Variants in GMDS observed in about 807,000 individuals in gnomAD.
GMDS encodes the protein GDP-mannose 4,6-dehydratase.
GMDS carries 20 observed loss-of-function variants against 49.9 expected under a neutral mutation model. The observed-to-expected ratio is 0.40, with a 90% CI of 0.28 to 0.58. The LOEUF (loss-of-function observed/expected upper bound fraction) is 0.58. Ranked by LOEUF, GMDS falls within the 20% of genes least tolerant of loss-of-function variation. GMDS has a pLI of 0.42. For synonymous variants in GMDS, 177 were observed against 178.6 expected (o/e 0.99, Z 0.07); for missense variants, 362 against 481.4 (o/e 0.75, Z 2.32).
At chr6:1,626,293 C>T (rs1363936669) in intron 9 of GMDS, 1 of 152,244 alleles carries the variant, frequency 6.6e-6, no homozygotes, top group Non-Finnish European at 1.5e-5. Flanking sequence ...CCAGTTTCCT[C>T]CCCAGAGTGT....
intron 9 of GMDS, among the ~76,000 whole-genome samples, chr6:1,658,059 T>G (rs1419702157): frequency 3.3e-5 from 5 of 152,128 alleles, no homozygotes; most frequent in Admixed American, 6.5e-5. Context: ...GGGTGTGTGT[T>G]TGCAAATAGA....
chr6:1,837,159 C>A (rs936590947), intron 7 of GMDS, among the ~76,000 whole-genome samples: 2 of 151,974 alleles, frequency 1.3e-5, no homozygotes, highest in Non-Finnish European at 2.9e-5. Context: ...AAAAGACAAC[C>A]AATTTGGGCT....
rs114656013 is a variant in GMDS, at chr6:2,055,302, C to T, written c.345+60469G>A. Among the ~76,000 whole-genome samples, 1,057 of 151,946 alleles carry T rather than the reference C, an allele frequency of 7.0e-3. 2 individuals are homozygous for T. Among genetic ancestry groups the T allele is most frequent in the Non-Finnish European group, 0.01 (684 of 67,874 alleles). On this transcript the variant is annotated intron_variant, in intron 4 of 10. Transcript: ENST00000380815. Reference sequence around the variant, plus strand: ...AGAATGAGGCAGAAGACATATATTTCCCTAAAAGGATATAAGTCATAAATC... The same window carrying T: ...AGAATGAGGCAGAAGACATATATTTTCCTAAAAGGATATAAGTCATAAATC...
At chr6:1,779,342 C>T (rs1768980217) in intron 7 of GMDS, among the ~76,000 whole-genome samples, 1 of 152,186 alleles carries the variant, frequency 6.6e-6, no homozygotes, top group Non-Finnish European at 1.5e-5. Flanking sequence ...GGAAGTGCTC[C>T]TGTGGCATCC....
chr6:2,067,248 G>A (rs957543930), intron 4 of GMDS, among the ~76,000 whole-genome samples: 1 of 152,100 alleles, frequency 6.6e-6, no homozygotes, highest in South Asian at 2.1e-4. Context: ...CAGAATCTCT[G>A]GGACGCATGC....
chr6:2,172,696 A>C (rs905891680), intron 1 of GMDS, among the ~76,000 whole-genome samples: 2 of 152,124 alleles, frequency 1.3e-5, no homozygotes, highest in Non-Finnish European at 2.9e-5. Context: ...CATCTCCAAA[A>C]AAAAAACAGA....
At chr6:1,784,487 G>C (rs992589517) in intron 7 of GMDS, among the ~76,000 whole-genome samples, 1 of 151,702 alleles carries the variant, frequency 6.6e-6, no homozygotes, top group Non-Finnish European at 1.5e-5. Context: ...AGGACTACCC[G>C]GGGCGGGAAG....
chr6:2,169,373 A>C (rs1462600919), intron 1 of GMDS, among the ~76,000 whole-genome samples: 1 of 152,122 alleles, frequency 6.6e-6, no homozygotes, highest in Admixed American at 6.6e-5. Flanking sequence ...TTGGGAGGCC[A>C]AGGTGGGAGG....
chr6:1,705,074 C>A (rs186258585), intron 9 of GMDS, among the ~76,000 whole-genome samples: 1 of 152,182 alleles, frequency 6.6e-6, no homozygotes, highest in Non-Finnish European at 1.5e-5. Context: ...TACCACTAAA[C>A]GACAAAGCGA....
intron 9 of GMDS, among the ~76,000 whole-genome samples, chr6:1,654,147 G>T (rs139637977): frequency 5.8e-4 from 88 of 152,280 alleles, no homozygotes; most frequent in African/African-American, 1.9e-3. Flanking sequence ...GAATCCTTGT[G>T]CTCTGATGAT....
intron 7 of GMDS, among the ~76,000 whole-genome samples, chr6:1,834,349 T>C (rs1457065260): frequency 6.6e-6 from 1 of 152,178 alleles, no homozygotes; most frequent in Admixed American, 6.5e-5. Context: ...ACCTACAATG[T>C]TGCATTTCCC....
At chr6:1,950,296 G>A (rs1478566915) in intron 6 of GMDS, among the ~76,000 whole-genome samples, 2 of 152,194 alleles carry the variant, frequency 1.3e-5, no homozygotes, top group East Asian at 1.9e-4. Flanking sequence ...AGATAATCTT[G>A]AATCAGTTCT....
chr6:1,906,704 G>A (rs1211972057), intron 7 of GMDS, among the ~76,000 whole-genome samples: 5 of 152,124 alleles, frequency 3.3e-5, no homozygotes, highest in Admixed American at 6.5e-5. Context: ...GGGGTTTCCT[G>A]CAGTTCCAAA....
intron 4 of GMDS, among the ~76,000 whole-genome samples, chr6:2,010,052 G>T (rs949270230): frequency 6.6e-6 from 1 of 152,106 alleles, no homozygotes; most frequent in African/African-American, 2.4e-5. Flanking sequence ...CATCAGGCTG[G>T]GCACGGTGGC....
intron 7 of GMDS, among the ~76,000 whole-genome samples, chr6:1,865,818 A>G (rs1289760636): frequency 1.3e-5 from 2 of 152,050 alleles, no homozygotes; most frequent in Non-Finnish European, 2.9e-5. Flanking sequence ...ATGCTGCTTT[A>G]TATCTCCTCA....
intron 8 of GMDS, among the ~76,000 whole-genome samples, chr6:1,733,868 G>C (rs1179354674): frequency 3.9e-5 from 6 of 151,966 alleles, no homozygotes; most frequent in Non-Finnish European, 8.8e-5. Context: ...AAAAAAAAGA[G>C]GGCCAGGGCT....
chr6:2,086,091 T>C, intron 4 of GMDS, among the ~76,000 whole-genome samples: 1 of 152,228 alleles, frequency 6.6e-6, no homozygotes, highest in East Asian at 1.9e-4. Context: ...TCACTGGTTT[T>C]GATTGTTTGC....
At chr6:1,819,772 A>AC in intron 7 of GMDS, among the ~76,000 whole-genome samples, 2 of 128,448 alleles carry the variant, frequency 1.6e-5, no homozygotes, top group African/African-American at 5.6e-5. Flanking sequence ...AAAAAAAAAA[A>AC]AAAAATATAT....
chr6:1,828,370 A>G (rs1469418859), intron 7 of GMDS, among the ~76,000 whole-genome samples: 3 of 152,176 alleles, frequency 2.0e-5, no homozygotes, highest in African/African-American at 7.2e-5. Flanking sequence ...AGGGGCCAGA[A>G]AGTGTATTTG....
Sources: gnomAD v4.1 joint callset for allele counts (sites outside exome capture counted in the v4.1 genomes callset) on GRCh38, gnomAD v4.1.1 for gene constraint, MANE v1.5 for transcripts, NCBI Gene and HGNC (gene_info 2026-07-23, HGNC 2026-07-21) for gene names.